Variants in SOX5 observed in about 807,000 individuals in gnomAD.
SOX5 encodes the protein SRY-box transcription factor 5.
Under a neutral mutation model 92.0 loss-of-function variants are expected in SOX5, and 9 were observed. That is an observed-to-expected ratio of 0.10 (90% CI 0.06 to 0.17). SOX5 has a LOEUF of 0.17. Ranked by LOEUF, SOX5 falls within the 10% of genes least tolerant of loss-of-function variation. The pLI is 1.00. For synonymous variants in SOX5, 344 were observed against 336.3 expected (o/e 1.02, Z -0.25); for missense variants, 642 against 944.5 (o/e 0.68, Z 4.20).
intron 6 of SOX5, among the ~76,000 whole-genome samples, chr12:23,723,501 T>C (rs1006856139): frequency 2.0e-5 from 3 of 151,120 alleles, no homozygotes; most frequent in Non-Finnish European, 4.4e-5. Flanking sequence ...TGGAAAGGAA[T>C]ACAGAAGTAG....
At chr12:24,038,708 T>C (rs974329926) in intron 4 of SOX5, among the ~76,000 whole-genome samples, 18 of 152,210 alleles carry the variant, frequency 1.2e-4, no homozygotes, top group African/African-American at 4.3e-4. Flanking sequence ...GAGGTCCCCC[T>C]CTCAGGAAAC....
At chr12:23,898,973 G>A (rs992716523) in intron 1 of SOX5, among the ~76,000 whole-genome samples, 1 of 152,176 alleles carries the variant, frequency 6.6e-6, no homozygotes, top group Non-Finnish European at 1.5e-5. Context: ...ATATCAATCT[G>A]TTGGTTGTAT....
At chr12:23,666,695 A>G (rs943790519) in intron 6 of SOX5, among the ~76,000 whole-genome samples, 1 of 152,190 alleles carries the variant, frequency 6.6e-6, no homozygotes, top group East Asian at 1.9e-4. Flanking sequence ...AATATCTACT[A>G]TGTGCAAGAA....
chr12:23,825,280 C>A (rs2096209008), intron 3 of SOX5, among the ~76,000 whole-genome samples: 1 of 152,228 alleles, frequency 6.6e-6, no homozygotes, highest in African/African-American at 2.4e-5. Context: ...AGCATAGTAT[C>A]TGGGCCGGAT....
chr12:24,445,690 T>G (rs1349025444), intron 1 of SOX5, among the ~76,000 whole-genome samples: 1 of 152,176 alleles, frequency 6.6e-6, no homozygotes, highest in Non-Finnish European at 1.5e-5. Context: ...GCTATCTTAA[T>G]TGATATTAGT....
intron 7 of SOX5, among the ~76,000 whole-genome samples, chr12:23,660,717 T>A (rs1036673989): frequency 2.7e-5 from 4 of 147,522 alleles, no homozygotes; most frequent in Non-Finnish European, 6.0e-5. Context: ...AAAAAAAAAA[T>A]CACAGTAATT....
intron 4 of SOX5, among the ~76,000 whole-genome samples, chr12:23,750,161 G>A (rs1170696688): frequency 6.6e-6 from 1 of 152,044 alleles, no homozygotes; most frequent in South Asian, 2.1e-4. Context: ...TAAAGGCAGT[G>A]AGAAGTTAAG....
intron 8 of SOX5, among the ~76,000 whole-genome samples, chr12:23,630,470 C>G (rs952171468): frequency 6.6e-5 from 10 of 151,876 alleles, no homozygotes; most frequent in African/African-American, 2.4e-4. Flanking sequence ...TTTATTAACA[C>G]ACTTTAGTGC....
At chr12:23,937,241 T>C (rs564962263) in intron 1 of SOX5, among the ~76,000 whole-genome samples, 9 of 150,982 alleles carry the variant, frequency 6.0e-5, no homozygotes, top group Middle Eastern at 3.2e-3. Context: ...ACTCTAATGC[T>C]AAGGAACAGT....
rs149033498 is a variant in SOX5, at chr12:23,604,580, A to G, written c.1018-47T>C. ...AGGGAGAAAGAATACTGTGAATAAT[A>G]AAATAAACGTACCATTCAGAAAGTA... is the stretch of plus-strand genomic sequence containing the variant. On this transcript the variant is annotated intron_variant, in intron 8 of 14. Coordinates refer to ENST00000451604, the MANE Select transcript of SOX5 (RefSeq NM_006940.6). The G allele has an allele frequency of 7.6e-3, 11,882 of 1,567,664 alleles. 69 individuals carry two copies. The highest frequency in any genetic ancestry group is 0.025 in the Middle Eastern group (127 of 5,182).
At chr12:23,639,418 G>GA (rs1469340174) in intron 8 of SOX5, among the ~76,000 whole-genome samples, 1 of 152,100 alleles carries the variant, frequency 6.6e-6, no homozygotes, top group African/African-American at 2.4e-5. Flanking sequence ...AACTTGCTTT[G>GA]AAAACCAACA....
At chr12:24,297,227 C>T (rs1475569859) in intron 2 of SOX5, among the ~76,000 whole-genome samples, 4 of 152,192 alleles carry the variant, frequency 2.6e-5, no homozygotes, top group Non-Finnish European at 4.4e-5. Context: ...ACTCATTACC[C>T]AGGAGGCTTA....
intron 2 of SOX5, among the ~76,000 whole-genome samples, chr12:24,360,700 G>A (rs1264494792): frequency 3.3e-5 from 5 of 152,184 alleles, no homozygotes; most frequent in African/African-American, 1.2e-4. Flanking sequence ...CATAGCGCAA[G>A]AGGCTTTTAA....
In SOX5 at chr12:24,132,524, G is replaced by A. The variant is rs568214729; in HGVS notation, c.-2+80819C>T. Among the ~76,000 whole-genome samples, 55 of 152,208 alleles carry A rather than the reference G, an allele frequency of 3.6e-4. 1 individual carries two copies. Among genetic ancestry groups the A allele is most frequent in the Middle Eastern group, 3.4e-3 (1 of 294 alleles). ...ATGTAAAGTGGGAAAACAATGGAAAGAGAAAGGAGGCTCTTAAGTTATTCT... is the reference window on the plus strand; with the variant it reads ...ATGTAAAGTGGGAAAACAATGGAAAAAGAAAGGAGGCTCTTAAGTTATTCT... On this transcript the variant is annotated intron_variant, in intron 4 of 4. Coordinates refer to the SOX5 transcript ENST00000446891.
chr12:23,790,996 T>G (rs2095466135), intron 3 of SOX5, among the ~76,000 whole-genome samples: 2 of 152,204 alleles, frequency 1.3e-5, no homozygotes, highest in South Asian at 4.1e-4. Context: ...ATTCTTCCAA[T>G]GTCCCTCATC....
At chr12:24,363,167 T>G (rs1235303712) in intron 2 of SOX5, among the ~76,000 whole-genome samples, 2 of 152,098 alleles carry the variant, frequency 1.3e-5, no homozygotes, top group Non-Finnish European at 2.9e-5. Context: ...GATAAGTTGG[T>G]TTTACTCATG....
chr12:24,216,244 G>T (rs1035767640), intron 3 of SOX5, among the ~76,000 whole-genome samples: 1 of 152,180 alleles, frequency 6.6e-6, no homozygotes, highest in Non-Finnish European at 1.5e-5. Flanking sequence ...AGCACTTTGG[G>T]AGGCCGAGGC....
intron 4 of SOX5, among the ~76,000 whole-genome samples, chr12:23,995,018 T>A (rs144919912): frequency 6.6e-6 from 1 of 152,350 alleles, no homozygotes; most frequent in East Asian, 1.9e-4. Flanking sequence ...ATGATTCTGG[T>A]TGACCCAAGA....
intron 4 of SOX5, among the ~76,000 whole-genome samples, chr12:24,026,602 A>C (rs1203903356): frequency 6.7e-6 from 1 of 149,686 alleles, no homozygotes; most frequent in Non-Finnish European, 1.5e-5. Flanking sequence ...AAAAAAGCAA[A>C]AAAAAAAAAA....
Sources: gnomAD v4.1 joint callset for allele counts (sites outside exome capture counted in the v4.1 genomes callset) on GRCh38, gnomAD v4.1.1 for gene constraint, MANE v1.5 for transcripts, NCBI Gene and HGNC (gene_info 2026-07-23, HGNC 2026-07-21) for gene names.